The following GNG7 variants were observed in gnomAD, a reference collection of about 807,000 sequenced individuals.
GNG7 encodes the protein G protein subunit gamma 7.
In GNG7, 1 loss-of-function variant was observed where a neutral mutation model predicts 4.0. The ratio of observed to expected loss-of-function variants is 0.25; its 90% confidence interval spans 0.09 to 1.18. GNG7 has a LOEUF of 1.18. Ranked by LOEUF, GNG7 falls within the 50% of genes most tolerant of loss-of-function variation. The pLI is 0.50. For synonymous variants in GNG7, 34 were observed against 36.9 expected (o/e 0.92, Z 0.29); for missense variants, 86 against 91.9 (o/e 0.94, Z 0.26).
At position 2,512,820 on chromosome 19, in the gene GNG7, G is replaced by A. The variant is rs1972674371; in HGVS notation, c.*2202C>T. The stretch of plus-strand genomic sequence containing the variant: ...CTTGTTGGAAAGGGTGGAGGCAGGC[G>A]GGCTCTCCCTGCCTGGGGTCCTCCC... On this transcript the variant is annotated 3_prime_UTR_variant, in exon 5 of 5. Transcript: ENST00000382159. The surrounding 1 kb of genome is among the most constrained non-coding windows in gnomAD (Gnocchi z 4.7). 4 of 783,576 alleles carry A rather than the reference G, an allele frequency of 5.1e-6. No homozygotes were observed. The highest frequency in any genetic ancestry group is 4.6e-6 in the Non-Finnish European group (3 of 645,304). The allele number at this position is 783,576 out of a possible 1,614,324, so 48.5% of individuals were successfully genotyped here.
chr19:2,586,378 C>A (rs776775524), intron 2 of GNG7, among the ~76,000 whole-genome samples: 1 of 152,194 alleles, frequency 6.6e-6, no homozygotes, highest in Non-Finnish European at 1.5e-5. Flanking sequence ...TTTCCCATTC[C>A]GCTCAGCAGG....
At chr19:2,586,527 G>A (rs1284960241) in intron 2 of GNG7, among the ~76,000 whole-genome samples, 1 of 152,208 alleles carries the variant, frequency 6.6e-6, no homozygotes, top group East Asian at 1.9e-4. Context: ...GAAAGGGAAG[G>A]ATGGGGAGGG....
At chr19:2,534,961 T>A (rs1275217751) in intron 3 of GNG7, among the ~76,000 whole-genome samples, 1 of 152,216 alleles carries the variant, frequency 6.6e-6, no homozygotes, top group Non-Finnish European at 1.5e-5. Context: ...ACACAGCCTA[T>A]GGTTCATTTC....
chr19:2,537,674 G>T (rs1027985291), intron 3 of GNG7, among the ~76,000 whole-genome samples: 1 of 151,656 alleles, frequency 6.6e-6, no homozygotes, highest in African/African-American at 2.4e-5. Context: ...GCCCTGGAGT[G>T]GGGGTTGTGG....
chr19:2,539,114 G>A (rs1978857327), intron 3 of GNG7, among the ~76,000 whole-genome samples: 1 of 152,094 alleles, frequency 6.6e-6, no homozygotes, highest in Admixed American at 6.6e-5. Flanking sequence ...ACTAATTTAG[G>A]TATTTAATAC....
At position 2,553,656 on chromosome 19, in the gene GNG7, C is replaced by A. The variant is rs907593378; in HGVS notation, c.-38+1493G>T. Among the ~76,000 whole-genome samples the A allele has an allele frequency of 1.2e-4, 13 of 110,188 alleles. 1 individual carries two copies. The highest frequency in any genetic ancestry group is 4.6e-4 in the African/African-American group (13 of 28,062). The allele number at this position is 110,188 out of a possible 152,430, so 72.3% of individuals were successfully genotyped here. A position where few individuals can be genotyped will look rare whatever the true frequency, so the allele number is the denominator to read the frequency against. On this transcript the variant is annotated intron_variant, in intron 3 of 4. Transcript: ENST00000382159. ...TACATGTAATATGTTATATTACATACATGCACACGTTACATGTAATATGTT... is the reference window on the plus strand; with the variant it reads ...TACATGTAATATGTTATATTACATAAATGCACACGTTACATGTAATATGTT...
chr19:2,615,629 A>ATTTTTTTTTTTTTTTTTTTTTTTTTTTTT (rs1195029403), intron 2 of GNG7, among the ~76,000 whole-genome samples: 2 of 149,416 alleles, frequency 1.3e-5, no homozygotes, highest in Non-Finnish European at 3.0e-5. Context: ...CGCCTGGCTA[A>ATTTTTTTTTTTTTTTTTTTTTTTTTTTTT]TTTTTTTGTA....
In GNG7 at chr19:2,589,007, C is replaced by T. The variant is rs1980759637; in HGVS notation, c.-77-33819G>A. 2.0e-5 allele frequency among the ~76,000 whole-genome samples: 3 copies of T among 151,262 alleles called. No homozygotes were observed. In the South Asian group the frequency reaches 6.3e-4, roughly 32 times the overall value. ...GTAATGGCGCGATCTTGGCTCACCA[C>T]AACCTCCCCCTTCCAGGTTCAAGCG... On this transcript the variant is annotated intron_variant, in intron 2 of 4. Coordinates refer to ENST00000382159, the MANE Select transcript of GNG7 (RefSeq NM_052847.3).
rs535974971 is a variant in GNG7 at position 2,515,089 on chromosome 19, G to T, written c.140C>A (p.Pro47His). ...CGAGGCAGGGACTCCGACCAGCAGG[G>T]GGTCGTTCCGGGCATGTTGCTCACA... Reference protein sequence around the residue: ...SYCEQHARNDPLLVGVPASEN... With the variant: ...SYCEQHARNDHLLVGVPASEN... Residue 47 changes from proline to histidine, a missense_variant, in exon 5 of 5, where the codon CCC becomes CAC. Physicochemically the swap from Pro to His is moderately conservative, Grantham distance 77. Transcript: ENST00000382159. 9 of 1,613,880 alleles carry T rather than the reference G, an allele frequency of 5.6e-6. No individual in the cohort carries two copies. The African/African-American group carries it at 6.7e-5, about 12-fold the overall frequency.
intron 2 of GNG7, among the ~76,000 whole-genome samples, chr19:2,596,826 C>A (rs564647626): frequency 2.6e-5 from 4 of 152,166 alleles, no homozygotes; most frequent in Non-Finnish European, 4.4e-5. Context: ...TCCTGCAGTA[C>A]GAGACTTCTT....
At chr19:2,649,000 T>C (rs1476129459) in intron 1 of GNG7, among the ~76,000 whole-genome samples, 1 of 151,720 alleles carries the variant, frequency 6.6e-6, no homozygotes, top group Non-Finnish European at 1.5e-5. Context: ...GCGATCCTCC[T>C]TCCTCAGCCT....
chr19:2,652,579 A>C (rs1301752121), intron 1 of GNG7, among the ~76,000 whole-genome samples: 1 of 152,090 alleles, frequency 6.6e-6, no homozygotes, highest in Non-Finnish European at 1.5e-5. Context: ...GGATCGTGCC[A>C]CCTGCACTCC....
At chr19:2,621,767 A>C (rs1423342391) in intron 2 of GNG7, among the ~76,000 whole-genome samples, 1 of 152,132 alleles carries the variant, frequency 6.6e-6, no homozygotes, top group African/African-American at 2.4e-5. Context: ...ACAGAAGCAG[A>C]GACTGGAGCA....
chr19:2,589,336 C>A, intron 2 of GNG7, among the ~76,000 whole-genome samples: 1 of 151,128 alleles, frequency 6.6e-6, no homozygotes, highest in Non-Finnish European at 1.5e-5. Flanking sequence ...GATTCTCCTG[C>A]CTCAGCCTCC....
intron 2 of GNG7, among the ~76,000 whole-genome samples, chr19:2,579,426 A>G (rs1980438143): frequency 1.3e-5 from 2 of 152,088 alleles, no homozygotes; most frequent in African/African-American, 4.8e-5. Context: ...AAGCCGGGCG[A>G]CCGGGAAGAT....
rs113491756 is a variant in GNG7, at chr19:2,543,699, G to A, written c.-38+11450C>T. ...GACGGCACAGGAAGTCAGGCTCAGC[G>A]AATTCCAGCTCAGAGCGGGCTCTGG... On this transcript the variant is annotated intron_variant, in intron 3 of 4. Coordinates refer to ENST00000382159, the MANE Select transcript of GNG7 (RefSeq NM_052847.3). Among the ~76,000 whole-genome samples, 640 of 152,320 alleles carry A rather than the reference G, an allele frequency of 4.2e-3. 4 individuals carry two copies. Among genetic ancestry groups the A allele is most frequent in the Non-Finnish European group, 7.4e-3 (501 of 68,034 alleles).
At chr19:2,624,388 G>A (rs562171025) in intron 2 of GNG7, among the ~76,000 whole-genome samples, 13 of 151,822 alleles carry the variant, frequency 8.6e-5, no homozygotes, top group African/African-American at 2.2e-4. Flanking sequence ...AAAATTAGCC[G>A]GGCGTGGTGG....
chr19:2,702,306 A>G (rs544203604), intron 1 of GNG7, among the ~76,000 whole-genome samples: 2 of 123,750 alleles, frequency 1.6e-5, no homozygotes, highest in South Asian at 2.8e-4. Context: ...CCCAGACCCA[A>G]TCCTTCCCCA....
intron 2 of GNG7, among the ~76,000 whole-genome samples, chr19:2,580,641 C>A (rs1188477263): frequency 6.6e-6 from 1 of 152,050 alleles, no homozygotes; most frequent in African/African-American, 2.4e-5. Flanking sequence ...CTTGCTGTTA[C>A]CCAGGCTGGA....
Sources: allele counts gnomAD v4.1 joint callset (sites outside exome capture counted in the v4.1 genomes callset), GRCh38; gene constraint gnomAD v4.1.1; non-coding constraint Gnocchi (gnomAD v3.1); transcripts MANE v1.5; gene names NCBI Gene and HGNC (gene_info 2026-07-23, HGNC 2026-07-21).